The following CUL2 variants were observed in gnomAD, a reference collection of about 807,000 sequenced individuals.
The protein encoded by CUL2 is cullin-2.
A neutral mutation model predicts 110.2 loss-of-function variants in CUL2; 22 were observed. The observed-to-expected ratio is 0.20, with a 90% CI of 0.14 to 0.28. The LOEUF is 0.28. CUL2 is among the 10% of genes least tolerant of loss of function. The pLI is 1.00. For missense variants in CUL2, 631 were observed against 905.5 expected, an observed-to-expected ratio of 0.70 and a Z score of 3.89; for synonymous variants, 279 against 293.2, an observed-to-expected ratio of 0.95 and a Z score of 0.49.
upstream of CUL2, among the ~76,000 whole-genome samples, chr10:35,094,197 A>T (rs955602990): frequency 6.6e-6 from 1 of 151,984 alleles, no homozygotes; most frequent in East Asian, 1.9e-4. Context: ...AATACAATAG[A>T]TATAACCCAC....
intron 1 of CUL2, among the ~76,000 whole-genome samples, chr10:35,111,654 G>A (rs560829237): frequency 1.3e-5 from 2 of 152,288 alleles, no homozygotes; most frequent in South Asian, 2.1e-4. Flanking sequence ...TTGGGATGCC[G>A]AGACGGGTGG....
At chr10:35,080,109 T>G (rs1381842228) in intron 1 of CUL2, among the ~76,000 whole-genome samples, 1 of 152,164 alleles carries the variant, frequency 6.6e-6, no homozygotes, top group Non-Finnish European at 1.5e-5. Context: ...AACAAAACTG[T>G]GAATAAGGGA....
At chr10:35,107,673 G>A (rs1162823883) in intron 1 of CUL2, among the ~76,000 whole-genome samples, 1 of 151,306 alleles carries the variant, frequency 6.6e-6, no homozygotes, top group Non-Finnish European at 1.5e-5. Flanking sequence ...ACGAGGTCAG[G>A]AGATGGAGAC....
At chr10:35,096,263 A>G (rs1417470926) in intron 2 of CUL2, among the ~76,000 whole-genome samples, 2 of 152,142 alleles carry the variant, frequency 1.3e-5, no homozygotes, top group Middle Eastern at 3.4e-3. Context: ...AAAACAAAAC[A>G]AAACAGCTAT....
chr10:35,064,400 A>G (rs905098350), intron 2 of CUL2, among the ~76,000 whole-genome samples: 1 of 152,210 alleles, frequency 6.6e-6, no homozygotes, highest in African/African-American at 2.4e-5. Flanking sequence ...TCCCCCCGAC[A>G]CTTCATATAC....
upstream of CUL2, among the ~76,000 whole-genome samples, chr10:35,093,711 G>A (rs2087250744): frequency 6.7e-6 from 1 of 148,878 alleles, no homozygotes; most frequent in African/African-American, 2.5e-5. Flanking sequence ...ATTACCACTT[G>A]TTGAATTTCA....
chr10:35,062,415 T>C (rs1387948137), intron 3 of CUL2, among the ~76,000 whole-genome samples: 2 of 152,154 alleles, frequency 1.3e-5, no homozygotes, highest in African/African-American at 2.4e-5. Flanking sequence ...GTATAAACAC[T>C]ATCCAGAGGA....
intron 1 of CUL2, among the ~76,000 whole-genome samples, chr10:35,120,238 C>T (rs1290111988): frequency 6.6e-6 from 1 of 152,152 alleles, no homozygotes; most frequent in Non-Finnish European, 1.5e-5. Flanking sequence ...CCAGGCTGGG[C>T]ACAGTGGCTC....
chr10:35,084,259 G>C (rs539868948), intron 1 of CUL2, among the ~76,000 whole-genome samples: 1 of 152,268 alleles, frequency 6.6e-6, no homozygotes, highest in South Asian at 2.1e-4. Context: ...CTTGGGTGAC[G>C]AGTGAAACTC....
chr10:35,063,577 A>G (rs184923042), intron 2 of CUL2, among the ~76,000 whole-genome samples: 2 of 152,166 alleles, frequency 1.3e-5, no homozygotes, highest in Non-Finnish European at 2.9e-5. Context: ...ATCAGAAGAA[A>G]TATACCATGA....
intron 5 of CUL2, among the ~76,000 whole-genome samples, chr10:35,051,177 T>C (rs1460346191): frequency 7.2e-6 from 1 of 138,868 alleles, no homozygotes; most frequent in Non-Finnish European, 1.6e-5. Context: ...TAGCGGGGCG[T>C]GGTGGCGGGT....
chr10:35,074,265 T>A, intron 1 of CUL2: 1 of 1,481,058 alleles, frequency 6.8e-7, no homozygotes, highest in Non-Finnish European at 9.1e-7. Flanking sequence ...CAGACAGCAT[T>A]CAGTTTGGGC....
At chr10:35,033,420 G>C (rs1408881204) in intron 10 of CUL2, 147 bp from the exon 11 acceptor site, 1 of 605,046 alleles carries the variant, frequency 1.7e-6, no homozygotes, top group Non-Finnish European at 2.9e-6. Flanking sequence ...TTTTAGCTAA[G>C]ACGGTCTTAG....
At chr10:35,013,069 G>C (rs199658136) in intron 19 of CUL2, among the ~76,000 whole-genome samples, 2 of 152,096 alleles carry the variant, frequency 1.3e-5, no homozygotes, top group South Asian at 2.1e-4. Context: ...GGCCAGGCGC[G>C]GTGGTTCACA....
upstream of CUL2, among the ~76,000 whole-genome samples, chr10:35,092,197 TG>T (rs1396993923): frequency 6.6e-6 from 1 of 152,030 alleles, no homozygotes; most frequent in African/African-American, 2.4e-5. Context: ...TCAAGCGATC[TG>T]CCCACCTCAG....
At chr10:35,080,371 A>T (rs4934716) in intron 1 of CUL2, among the ~76,000 whole-genome samples, 2 of 152,010 alleles carry the variant, frequency 1.3e-5, no homozygotes, top group Non-Finnish European at 2.9e-5. Flanking sequence ...TTTGACCCAC[A>T]GAGCTCTAAG....
chr10:35,050,843 C>A (rs1012758444), intron 5 of CUL2, among the ~76,000 whole-genome samples: 1 of 152,236 alleles, frequency 6.6e-6, no homozygotes, highest in African/African-American at 2.4e-5. Flanking sequence ...TATACATCTA[C>A]AAGTTGAGAT....
chr10:35,042,993 G>A (rs150734563), intron 8 of CUL2, among the ~76,000 whole-genome samples: 1 of 151,998 alleles, frequency 6.6e-6, no homozygotes, highest in Non-Finnish European at 1.5e-5. Flanking sequence ...CACCTAGCTG[G>A]TGTCTGCTGC....
chr10:35,096,054 C>G (rs1337819758), intron 2 of CUL2, among the ~76,000 whole-genome samples: 2 of 151,752 alleles, frequency 1.3e-5, no homozygotes, highest in African/African-American at 4.8e-5. Flanking sequence ...TTGAGACCAG[C>G]CTGGCCAATA....
Sources: gnomAD v4.1 joint callset for allele counts (sites outside exome capture counted in the v4.1 genomes callset) on GRCh38, gnomAD v4.1.1 for gene constraint, MANE v1.5 for transcripts, NCBI Gene and HGNC (gene_info 2026-07-23, HGNC 2026-07-21) for gene names.